The following DYTN variants were observed in gnomAD, a reference collection of about 807,000 sequenced individuals.
DYTN encodes the protein dystrotelin.
A neutral mutation model predicts 69.6 loss-of-function variants in DYTN; 75 were observed. That is an observed-to-expected ratio of 1.08 (90% CI 0.89 to 1.31). The LOEUF (loss-of-function observed/expected upper bound fraction) is 1.31. Ranked by LOEUF, DYTN falls within the 50% of genes most tolerant of loss-of-function variation. The probability of loss-of-function intolerance (pLI) is 0.00; values close to 1 mark genes in which losing one functional copy is unlikely to be tolerated. For synonymous variants in DYTN, 252 were observed against 249.1 expected, an observed-to-expected ratio of 1.01 and a Z score of -0.11; for missense variants, 726 against 688.4, an observed-to-expected ratio of 1.05 and a Z score of -0.61.
At chr2:206,691,090 C>T (rs6733862) in intron 9 of DYTN, among the ~76,000 whole-genome samples, 5,920 of 152,218 alleles carry the variant, frequency 0.039, 395 homozygotes, top group African/African-American at 0.14. Flanking sequence ...AAAGATCAGT[C>T]TGACTTCAGT....
chr2:206,679,946 C>A (rs1037894340), intron 9 of DYTN, among the ~76,000 whole-genome samples: 4 of 152,146 alleles, frequency 2.6e-5, no homozygotes, highest in Non-Finnish European at 5.9e-5. Context: ...GCTCAGGATG[C>A]TATAACAAAC....
intron 9 of DYTN, among the ~76,000 whole-genome samples, chr2:206,680,381 G>T (rs1230198354): frequency 6.6e-6 from 1 of 152,004 alleles, no homozygotes; most frequent in East Asian, 1.9e-4. Flanking sequence ...ATTCAGGATG[G>T]GATTTGGGTG....
At chr2:206,713,494 C>G (rs370359179) in intron 1 of DYTN, among the ~76,000 whole-genome samples, 2 of 152,120 alleles carry the variant, frequency 1.3e-5, no homozygotes, top group East Asian at 1.9e-4. Context: ...ATCTCTCATT[C>G]CCTGAAAGGA....
chr2:206,679,312 TTC>T (rs1308737175), intron 9 of DYTN: 1 of 152,206 alleles, frequency 6.6e-6, no homozygotes, highest in Non-Finnish European at 1.5e-5. Flanking sequence ...AGGCCAACTT[TTC>T]TCTCTGTGTT....
chr2:206,704,422 G>T (rs1479840016), intron 5 of DYTN, among the ~76,000 whole-genome samples: 1 of 152,190 alleles, frequency 6.6e-6, no homozygotes, highest in Non-Finnish European at 1.5e-5. Context: ...AGTGAAAAAG[G>T]TATGGGGTGT....
intron 11 of DYTN, among the ~76,000 whole-genome samples, chr2:206,656,156 G>A (rs551162553): frequency 6.6e-6 from 1 of 151,984 alleles, no homozygotes; most frequent in East Asian, 1.9e-4. Context: ...ATATATTTAG[G>A]TGCTCTGATG....
chr2:206,689,891 G>T (rs1017223047), intron 9 of DYTN, among the ~76,000 whole-genome samples: 2 of 152,084 alleles, frequency 1.3e-5, no homozygotes, highest in Non-Finnish European at 2.9e-5. Flanking sequence ...CAGTCAGTCA[G>T]TCATTCAACA....
At chr2:206,703,491 T>A (rs1028707385) in intron 5 of DYTN, among the ~76,000 whole-genome samples, 10 of 152,160 alleles carry the variant, frequency 6.6e-5, no homozygotes, top group African/African-American at 2.4e-4. Flanking sequence ...GAAGTATCTA[T>A]GCCTGATATT....
chr2:206,651,790 C>G lies in DYTN; in HGVS notation c.*28G>C. 1 of 1,597,716 alleles carries G rather than the reference C, an allele frequency of 6.3e-7. No individual in the cohort carries two copies. Among genetic ancestry groups the G allele is most frequent in the Non-Finnish European group, 8.6e-7 (1 of 1,166,092 alleles). The stretch of plus-strand genomic sequence containing the variant: ...GTGCAACTGCATTTTGTCATCACAC[C>G]AAGAGGCCTTTGAGCCTGGACTCCA... On this transcript the variant is annotated 3_prime_UTR_variant, in exon 12 of 12. Coordinates refer to ENST00000452335, the MANE Select transcript of DYTN (RefSeq NM_001093730.1).
chr2:206,675,115 A>ATGTGTGTGTGTGTG (rs757679127), intron 9 of DYTN, among the ~76,000 whole-genome samples: 64 of 131,542 alleles, frequency 4.9e-4, no homozygotes, highest in African/African-American at 1.8e-3. Flanking sequence ...ATATATATAT[A>ATGTGTGTGTGTGTG]TGTGTGTGTG....
chr2:206,659,328 C>T (rs1049713440), intron 11 of DYTN, among the ~76,000 whole-genome samples: 1 of 151,122 alleles, frequency 6.6e-6, no homozygotes, highest in African/African-American at 2.4e-5. Flanking sequence ...CCAGCCACCA[C>T]GCCCGGCTAA....
intron 7 of DYTN, among the ~76,000 whole-genome samples, chr2:206,698,531 G>T (rs1400518492): frequency 6.6e-6 from 1 of 152,168 alleles, no homozygotes; most frequent in South Asian, 2.1e-4. Context: ...ATGTCCCAGA[G>T]CTTTAGTCTT....
intron 9 of DYTN, among the ~76,000 whole-genome samples, chr2:206,689,389 A>G (rs1035573455): frequency 3.3e-5 from 5 of 152,232 alleles, no homozygotes; most frequent in African/African-American, 9.6e-5. Context: ...ATTGTGATTT[A>G]GTAATATTCC....
intron 11 of DYTN, among the ~76,000 whole-genome samples, chr2:206,654,227 G>C (rs1574583670): frequency 6.6e-6 from 1 of 152,038 alleles, no homozygotes; most frequent in South Asian, 2.1e-4. Flanking sequence ...TGAATCCTCG[G>C]ACAACATGAA....
At chr2:206,676,014 A>G (rs1041684794) in intron 9 of DYTN, among the ~76,000 whole-genome samples, 3 of 152,168 alleles carry the variant, frequency 2.0e-5, no homozygotes, top group African/African-American at 4.8e-5. Flanking sequence ...GTGAAAGTCA[A>G]TGTGGCAATT....
intron 9 of DYTN, among the ~76,000 whole-genome samples, chr2:206,667,697 C>CGTGTGTGT (rs71410894): frequency 0.029 from 4,227 of 144,072 alleles, 86 homozygotes; most frequent in Non-Finnish European, 0.041. Flanking sequence ...TTTGCGTGTG[C>CGTGTGTGT]GTGTGTGTGT....
At chr2:206,715,158 GGGAACAGGCAGGTA>G (rs1301311428) in intron 1 of DYTN, among the ~76,000 whole-genome samples, 2 of 152,126 alleles carry the variant, frequency 1.3e-5, no homozygotes, top group African/African-American at 4.8e-5. Flanking sequence ...GTGGGAATCA[GGGAACAGGCAGGTA>G]GGAACAGGCA....
chr2:206,658,031 A>G (rs1699469022), intron 11 of DYTN, among the ~76,000 whole-genome samples: 1 of 151,950 alleles, frequency 6.6e-6, no homozygotes, highest in African/African-American at 2.4e-5. Context: ...GCGTCCCTTA[A>G]ACGTTCATCA....
At chr2:206,657,885 C>A (rs1347742043) in intron 11 of DYTN, among the ~76,000 whole-genome samples, 2 of 152,156 alleles carry the variant, frequency 1.3e-5, no homozygotes, top group Non-Finnish European at 2.9e-5. Context: ...ATTCTTGGAT[C>A]TGGACGTCCA....
Sources: allele counts gnomAD v4.1 joint callset (sites outside exome capture counted in the v4.1 genomes callset), GRCh38; gene constraint gnomAD v4.1.1; transcripts MANE v1.5; gene names NCBI Gene and HGNC (gene_info 2026-07-23, HGNC 2026-07-21).